TBL1XR1: variants seen among roughly 807,000 people sequenced by gnomAD.
TBL1XR1 encodes the protein TBL1X/Y related 1.
In TBL1XR1, 5 loss-of-function variants were observed where a neutral mutation model predicts 66.9. That is an observed-to-expected ratio of 0.07 (90% CI 0.04 to 0.16). The LOEUF is 0.16. Among genes scored for constraint, TBL1XR1 ranks in the 10% least tolerant of loss-of-function variants. The pLI, the probability that TBL1XR1 is intolerant of heterozygous loss-of-function variation, is 1.00. For synonymous variants in TBL1XR1, 210 were observed against 206.0 expected (o/e 1.02, Z -0.17); for missense variants, 238 against 623.2 (o/e 0.38, Z 6.58).
chr3:177,191,686 G>T (rs574951435), intron 1 of TBL1XR1, among the ~76,000 whole-genome samples: 1 of 152,266 alleles, frequency 6.6e-6, no homozygotes, highest in Non-Finnish European at 1.5e-5. Flanking sequence ...ATACGGAAAA[G>T]AATACACAGA....
At chr3:177,162,474 A>G (rs939224920) in intron 1 of TBL1XR1, among the ~76,000 whole-genome samples, 1 of 152,204 alleles carries the variant, frequency 6.6e-6, no homozygotes, top group Non-Finnish European at 1.5e-5. Flanking sequence ...CAACTAATTT[A>G]TGGTAACAGA....
At chr3:177,148,653 T>A (rs1426805922) in intron 1 of TBL1XR1, among the ~76,000 whole-genome samples, 2 of 148,690 alleles carry the variant, frequency 1.3e-5, no homozygotes, top group African/African-American at 5.0e-5. Context: ...AGGGGGAGAT[T>A]GCAGTGAGCC....
chr3:177,034,384 T>C, intron 12 of TBL1XR1, 59 bp from the exon 13 acceptor site: 6 of 1,268,112 alleles, frequency 4.7e-6, no homozygotes, highest in Non-Finnish European at 6.3e-6. Flanking sequence ...ATATTTAAAA[T>C]ATTATTTTGA....
intron 1 of TBL1XR1, among the ~76,000 whole-genome samples, chr3:177,158,550 T>A (rs1191678426): frequency 6.6e-6 from 1 of 152,102 alleles, no homozygotes. Context: ...AAAACAAGAC[T>A]ACAACTGACA....
chr3:177,081,765 TTTAA>T (rs1721428034), intron 2 of TBL1XR1, among the ~76,000 whole-genome samples: 1 of 151,474 alleles, frequency 6.6e-6, no homozygotes, highest in East Asian at 1.9e-4. Context: ...AAAAAAGATA[TTTAA>T]TAATGAAAAT....
intron 1 of TBL1XR1, among the ~76,000 whole-genome samples, chr3:177,194,355 C>T (rs1456075223): frequency 6.6e-6 from 1 of 152,202 alleles, no homozygotes; most frequent in Non-Finnish European, 1.5e-5. Flanking sequence ...GAGTCCAATT[C>T]ACATGCACTA....
chr3:177,082,929 C>T (rs1466008283), intron 2 of TBL1XR1, among the ~76,000 whole-genome samples: 3 of 150,630 alleles, frequency 2.0e-5, no homozygotes, highest in East Asian at 3.9e-4. Context: ...CTAATTTTTT[C>T]TGTATCTTTT....
intron 1 of TBL1XR1, among the ~76,000 whole-genome samples, chr3:177,177,278 C>T (rs972502696): frequency 1.3e-5 from 2 of 152,040 alleles, no homozygotes; most frequent in African/African-American, 2.4e-5. Context: ...GGTGAAACCC[C>T]ATCTCTACTA....
intron 1 of TBL1XR1, among the ~76,000 whole-genome samples, chr3:177,190,549 C>G (rs1736018154): frequency 6.6e-6 from 1 of 152,146 alleles, no homozygotes; most frequent in African/African-American, 2.4e-5. Flanking sequence ...AACTCCTGAC[C>G]TCAGGTGATC....
At chr3:177,079,195 G>C (rs982034010) in intron 2 of TBL1XR1, among the ~76,000 whole-genome samples, 3 of 151,904 alleles carry the variant, frequency 2.0e-5, no homozygotes, top group Admixed American at 6.6e-5. Flanking sequence ...ACTTTGGAAG[G>C]CCGAGGTGGG....
intron 2 of TBL1XR1, among the ~76,000 whole-genome samples, chr3:177,071,882 G>T (rs1197825797): frequency 1.3e-5 from 2 of 152,176 alleles, no homozygotes; most frequent in Non-Finnish European, 2.9e-5. Flanking sequence ...TTCACAGGAT[G>T]AGAGAAAACA....
intron 1 of TBL1XR1, among the ~76,000 whole-genome samples, chr3:177,160,334 C>T (rs1732032865): frequency 6.6e-6 from 1 of 151,844 alleles, no homozygotes; most frequent in African/African-American, 2.4e-5. Flanking sequence ...ATTAGCTGGG[C>T]GTGGTGACAG....
intron 1 of TBL1XR1, among the ~76,000 whole-genome samples, chr3:177,136,969 A>T (rs1260930232): frequency 6.6e-6 from 1 of 152,238 alleles, no homozygotes; most frequent in South Asian, 2.1e-4. Context: ...CTCTCAAAAA[A>T]GATGACCTCA....
chr3:177,116,974 C>T (rs192913535), intron 1 of TBL1XR1, among the ~76,000 whole-genome samples: 3 of 152,292 alleles, frequency 2.0e-5, no homozygotes, highest in East Asian at 1.9e-4. Context: ...ATTTTCTGTG[C>T]TTAGGAACAT....
chr3:177,047,201 C>A, intron 9 of TBL1XR1, 99 bp downstream of exon 9: 1 of 989,006 alleles, frequency 1.0e-6, no homozygotes, highest in South Asian at 1.8e-5. Context: ...GTGAATTTCC[C>A]AAATAGGAAT....
intron 2 of TBL1XR1, among the ~76,000 whole-genome samples, chr3:177,083,166 A>G (rs1234181926): frequency 1.3e-5 from 2 of 152,178 alleles, no homozygotes; most frequent in Non-Finnish European, 2.9e-5. Flanking sequence ...TTGGTCAATT[A>G]AGAGAGTGGA....
Position 177,133,159 on chromosome 3 carries a change from CATCTGT to C in TBL1XR1, c.-121-34624_-121-34619del, listed in dbSNP as rs1219702629. Reference sequence around the variant, plus strand: ...AAAACTAGCCGGGCATGGTGGCGCACATCTGTAATCCCAGCTACTCAGGAGGCTGAG... The same window carrying C: ...AAAACTAGCCGGGCATGGTGGCGCACAATCCCAGCTACTCAGGAGGCTGAG... On this transcript the variant is annotated intron_variant, in intron 1 of 15. Coordinates refer to ENST00000457928, the MANE Select transcript of TBL1XR1 (RefSeq NM_024665.7). Among the ~76,000 whole-genome samples, 4 of 152,130 alleles carry C rather than the reference CATCTGT, an allele frequency of 2.6e-5. No homozygotes were observed. In the East Asian group the frequency reaches 7.8e-4, roughly 29 times the overall value.
chr3:177,090,767 C>A (rs187615511), intron 2 of TBL1XR1, among the ~76,000 whole-genome samples: 2 of 151,980 alleles, frequency 1.3e-5, no homozygotes, highest in Non-Finnish European at 2.9e-5. Context: ...GCCAAGATCA[C>A]GCCACTGCAC....
chr3:177,172,133 C>T (rs1733593574), intron 1 of TBL1XR1, among the ~76,000 whole-genome samples: 1 of 151,946 alleles, frequency 6.6e-6, no homozygotes, highest in Non-Finnish European at 1.5e-5. Context: ...TGGTGGCACG[C>T]ACCTGTAATC....
Sources: allele counts gnomAD v4.1 joint callset (sites outside exome capture counted in the v4.1 genomes callset), GRCh38; gene constraint gnomAD v4.1.1; transcripts MANE v1.5; gene names NCBI Gene and HGNC (gene_info 2026-07-23, HGNC 2026-07-21).